Variants in CACNA2D4 observed in about 807,000 individuals in gnomAD.
The protein encoded by CACNA2D4 is voltage-dependent calcium channel subunit alpha-2/delta-4.
A neutral mutation model predicts 163.8 loss-of-function variants in CACNA2D4; 157 were observed. The ratio of observed to expected loss-of-function variants is 0.96; its 90% CI spans 0.84 to 1.09. The LOEUF (loss-of-function observed/expected upper bound fraction) is 1.09. Among genes scored for constraint, CACNA2D4 ranks in the 50% least tolerant of loss-of-function variants. CACNA2D4 has a pLI of 0.00. For synonymous variants in CACNA2D4, 598 were observed against 586.9 expected, an observed-to-expected ratio of 1.02 and a Z score of -0.27; for missense variants, 1,410 against 1,479.9, an observed-to-expected ratio of 0.95 and a Z score of 0.78.
rs184760341 is a variant in CACNA2D4 at position 1,863,093 on chromosome 12, A to G, written c.1879-2887T>C. Among the ~76,000 whole-genome samples, 61 of 152,280 alleles carry G rather than the reference A, an allele frequency of 4.0e-4. 1 individual carries two copies. In the East Asian group the frequency reaches 9.1e-3, roughly 23 times the overall value. ...TACATTGAAGGTTATGATTCATCCA[A>G]TTAGTTTTTGTATGTGGTATGAGCT... On this transcript the variant is annotated intron_variant, in intron 18 of 37. Transcript: ENST00000382722.
At chr12:1,848,429 C>T (rs114904580) in intron 23 of CACNA2D4, among the ~76,000 whole-genome samples, 3,350 of 152,224 alleles carry the variant, frequency 0.022, 108 homozygotes, top group African/African-American at 0.077. Context: ...GACCGGGTTC[C>T]GGTTTGTGTT....
At chr12:1,889,080 T>G (rs1036614523) in intron 6 of CACNA2D4, among the ~76,000 whole-genome samples, 3 of 152,238 alleles carry the variant, frequency 2.0e-5, no homozygotes, top group Admixed American at 2.0e-4. Context: ...TAAACAGTTT[T>G]AAGATGTTGA....
intron 11 of CACNA2D4, 62 bp downstream of exon 11, chr12:1,884,706 G>T (rs906289886): frequency 2.4e-5 from 26 of 1,088,668 alleles, no homozygotes; most frequent in Non-Finnish European, 3.5e-5. Context: ...GTCCCTGCTG[G>T]TGATCCCATC....
At chr12:1,819,803 G>T in intron 26 of CACNA2D4, among the ~76,000 whole-genome samples, 1 of 152,212 alleles carries the variant, frequency 6.6e-6, no homozygotes, top group East Asian at 1.9e-4. Flanking sequence ...GAGAAGCCAA[G>T]CTCGTCCCTG....
At chr12:1,902,852 T>C (rs2154451389) in intron 6 of CACNA2D4, among the ~76,000 whole-genome samples, 1 of 152,158 alleles carries the variant, frequency 6.6e-6, no homozygotes, top group East Asian at 1.9e-4. Context: ...TTCACAGATA[T>C]AGAAGAAACA....
rs758354588 is a variant in CACNA2D4 at position 1,853,932 on chromosome 12, C to A, written c.2246+19G>T. ...CTGGGGGCTGGTTGGGGCCTGGGAA[C>A]CTGGGAACCTGGACCTACTCGGACA... On this transcript the variant is annotated intron_variant, in intron 23 of 37. Coordinates refer to ENST00000382722, the MANE Select transcript of CACNA2D4 (RefSeq NM_172364.5). 5.4e-5 allele frequency: 87 copies of A among 1,602,154 alleles called. No individual in the cohort carries two copies. In the Admixed American group the frequency reaches 1.1e-3, roughly 20 times the overall value.
At position 1,834,518 on chromosome 12, in the gene CACNA2D4, G is replaced by C. The variant is rs774813692; in HGVS notation, c.2551+6221C>G. ...GAAGCAGAGGCACCGGCCGGCGAGC[G>C]TGAGGCGAGCCATGGGCACGGTGAT... On this transcript the variant is annotated intron_variant, in intron 26 of 37. Coordinates refer to ENST00000382722, the MANE Select transcript of CACNA2D4 (RefSeq NM_172364.5). The surrounding 1 kb of genome is among the most constrained non-coding windows in gnomAD (Gnocchi z 7.6). 2 of 1,605,976 alleles carry C rather than the reference G, an allele frequency of 1.2e-6. No individual in the cohort carries two copies. Among genetic ancestry groups the C allele is most frequent in the African/African-American group, 1.3e-5 (1 of 74,928 alleles).
At chr12:1,871,540 T>C (rs1425961262) in intron 18 of CACNA2D4, among the ~76,000 whole-genome samples, 1 of 150,986 alleles carries the variant, frequency 6.6e-6, no homozygotes, top group African/African-American at 2.4e-5. Context: ...CACTGATGTG[T>C]GCGTGTGTAC....
chr12:1,860,283 T>G, intron 18 of CACNA2D4, 77 bp from the exon 19 acceptor site: 2 of 1,106,566 alleles, frequency 1.8e-6, no homozygotes, highest in Non-Finnish European at 2.7e-6. Context: ...CCAGGGCTCT[T>G]GGGGTCTTCA....
At chr12:1,849,274 C>T (rs554886723) in intron 23 of CACNA2D4, among the ~76,000 whole-genome samples, 3 of 152,148 alleles carry the variant, frequency 2.0e-5, no homozygotes, top group Non-Finnish European at 4.4e-5. Flanking sequence ...TTTAGCATTC[C>T]ATCTAATCTT....
Position 1,793,502 on chromosome 12 carries a change from T to G in CACNA2D4, c.*153A>C. The stretch of plus-strand genomic sequence containing the variant: ...ATTGGTTTCCTGTTCCATCCAGCAT[T>G]CTCCGGAGCCAGGGGCCACCAGCCC... On this transcript the variant is annotated 3_prime_UTR_variant, in exon 38 of 38. Coordinates refer to ENST00000382722, the MANE Select transcript of CACNA2D4 (RefSeq NM_172364.5). 1 of 692,380 alleles carries G rather than the reference T, an allele frequency of 1.4e-6. No individual in the cohort carries two copies. Among genetic ancestry groups the G allele is most frequent in the Non-Finnish European group, 2.6e-6 (1 of 378,878 alleles). The allele number at this position is 692,380 out of a possible 1,614,324, so 42.9% of individuals were successfully genotyped here.
chr12:1,849,846 T>C (rs1419357158), intron 23 of CACNA2D4, among the ~76,000 whole-genome samples: 1 of 152,234 alleles, frequency 6.6e-6, no homozygotes, highest in South Asian at 2.1e-4. Flanking sequence ...AGTGGAGATA[T>C]TATTCATACT....
intron 19 of CACNA2D4, among the ~76,000 whole-genome samples, chr12:1,859,862 T>C (rs181982182): frequency 6.6e-6 from 1 of 152,290 alleles, no homozygotes; most frequent in African/African-American, 2.4e-5. Flanking sequence ...AACAACAGCA[T>C]CTGAAGGGGC....
chr12:1,868,055 G>A (rs922947575), intron 18 of CACNA2D4, among the ~76,000 whole-genome samples: 1 of 152,180 alleles, frequency 6.6e-6, no homozygotes, highest in Non-Finnish European at 1.5e-5. Context: ...AAACAATATG[G>A]AGGAGCCTAA....
intron 26 of CACNA2D4, chr12:1,827,565 G>A (rs1432221126): frequency 6.5e-6 from 1 of 152,996 alleles, no homozygotes; most frequent in Non-Finnish European, 1.5e-5. Context: ...CAGCTGCCAA[G>A]GGCCTGGCCC....
rs1194296602 is a variant in CACNA2D4, at chr12:1,833,322, T to C, written c.2551+7417A>G. Reference sequence around the variant, plus strand: ...GGGGTCTAGTGCCTGCATCCAGATTTCACTGGAAGCTGAAAGAGGGCCAGA... The same window carrying C: ...GGGGTCTAGTGCCTGCATCCAGATTCCACTGGAAGCTGAAAGAGGGCCAGA... On this transcript the variant is annotated intron_variant, in intron 26 of 37. Transcript: ENST00000382722. This position sits in a 1 kb window ranked among gnomAD's most constrained non-coding sequence, Gnocchi z 4.2. 6.6e-6 allele frequency among the ~76,000 whole-genome samples: 1 copy of C among 152,116 alleles called. No homozygotes were observed. Among genetic ancestry groups the C allele is most frequent in the Non-Finnish European group, 1.5e-5 (1 of 68,020 alleles).
intron 6 of CACNA2D4, among the ~76,000 whole-genome samples, chr12:1,891,744 C>G (rs946654612): frequency 6.6e-6 from 1 of 151,370 alleles, no homozygotes; most frequent in African/African-American, 2.4e-5. Flanking sequence ...TACAAAGAAC[C>G]AAACAGAAAT....
chr12:1,912,719 G>A (rs971501853), intron 3 of CACNA2D4, among the ~76,000 whole-genome samples: 22 of 152,200 alleles, frequency 1.4e-4, no homozygotes, highest in Non-Finnish European at 3.1e-4. Flanking sequence ...ACTGGGTATG[G>A]CCTGGTGACT....
intron 18 of CACNA2D4, among the ~76,000 whole-genome samples, chr12:1,863,598 G>T (rs993094182): frequency 1.3e-5 from 2 of 151,928 alleles, no homozygotes; most frequent in African/African-American, 4.8e-5. Context: ...TATTCTTTCC[G>T]CAATGTTTTG....
Sources: gnomAD v4.1 joint callset for allele counts (sites outside exome capture counted in the v4.1 genomes callset) on GRCh38, gnomAD v4.1.1 for gene constraint, Gnocchi (gnomAD v3.1) non-coding constraint, MANE v1.5 for transcripts, NCBI Gene and HGNC (gene_info 2026-07-23, HGNC 2026-07-21) for gene names.